Variants in UBE2Z observed in about 807,000 individuals in gnomAD.
The protein encoded by UBE2Z is ubiquitin conjugating enzyme E2 Z.
In UBE2Z, 10 loss-of-function variants were observed where a neutral mutation model predicts 32.6. That is an observed-to-expected ratio of 0.31 (90% CI 0.19 to 0.52). UBE2Z has a LOEUF of 0.52. UBE2Z is among the 20% of genes least tolerant of loss of function. The probability of loss-of-function intolerance (pLI) is 0.97; values close to 1 mark genes in which losing one functional copy is unlikely to be tolerated. For synonymous variants in UBE2Z, 183 were observed against 190.8 expected (o/e 0.96, Z 0.34); for missense variants, 343 against 480.9 (o/e 0.71, Z 2.68).
intron 4 of UBE2Z, among the ~76,000 whole-genome samples, chr17:48,917,578 G>A (rs2040729641): frequency 6.6e-6 from 1 of 152,022 alleles, no homozygotes; most frequent in African/African-American, 2.4e-5. Flanking sequence ...AGGAGTCCCG[G>A]GCAAGACTTT....
chr17:48,923,171 A>C lies in UBE2Z; in HGVS notation c.894+234A>C, dbSNP rs543194726. 5.0e-5 allele frequency: 17 copies of C among 338,458 alleles called. 1 individual carries two copies. Among genetic ancestry groups the C allele is most frequent in the East Asian group, 3.5e-4 (6 of 17,260 alleles). 21.0% of individuals were successfully genotyped at this position (338,458 alleles called of 1,614,324 possible). ...CCCGTCTCTACTAAAAATACAAAAA[A>C]TTAGCCGGGCATCGTGGCGTGTACC... is the stretch of plus-strand genomic sequence containing the variant. On this transcript the variant is annotated intron_variant, in intron 6 of 6. Coordinates refer to ENST00000360943, the MANE Select transcript of UBE2Z (RefSeq NM_023079.5).
intron 1 of UBE2Z, among the ~76,000 whole-genome samples, chr17:48,909,344 C>G (rs975178391): frequency 6.6e-6 from 1 of 151,972 alleles, no homozygotes; most frequent in Non-Finnish European, 1.5e-5. Context: ...CCGTTTTTCT[C>G]AGATTCCCTC....
At chr17:48,923,425 G>A (rs1241104541) in intron 6 of UBE2Z, among the ~76,000 whole-genome samples, 1 of 151,738 alleles carries the variant, frequency 6.6e-6, no homozygotes, top group Non-Finnish European at 1.5e-5. Context: ...GAGGTCGGGA[G>A]TGTGAGACCA....
intron 5 of UBE2Z, among the ~76,000 whole-genome samples, chr17:48,921,570 A>G (rs2040758816): frequency 6.6e-6 from 1 of 152,102 alleles, no homozygotes; most frequent in African/African-American, 2.4e-5. Context: ...TCATAATAAG[A>G]CTCATTTCTT....
intron 6 of UBE2Z, among the ~76,000 whole-genome samples, chr17:48,926,268 A>G (rs1264744844): frequency 1.3e-5 from 2 of 152,194 alleles, no homozygotes; most frequent in East Asian, 3.9e-4. Context: ...TACAGAGAAT[A>G]AAGAGCAACT....
intron 4 of UBE2Z, among the ~76,000 whole-genome samples, chr17:48,916,478 C>T (rs1429852482): frequency 1.3e-5 from 2 of 151,406 alleles, no homozygotes; most frequent in South Asian, 2.1e-4. Flanking sequence ...GTCTCCAGCT[C>T]CTGACCTGGT....
intron 4 of UBE2Z, among the ~76,000 whole-genome samples, chr17:48,917,856 ATT>A (rs1567778859): frequency 6.6e-6 from 1 of 152,216 alleles, no homozygotes; most frequent in Non-Finnish European, 1.5e-5. Flanking sequence ...GCCTTCCTGA[ATT>A]ACTCATGAGC....
intron 2 of UBE2Z, 103 bp from the exon 3 acceptor site, chr17:48,912,731 A>G: frequency 2.4e-6 from 3 of 1,248,320 alleles, no homozygotes; most frequent in Non-Finnish European, 3.4e-6. Context: ...TGTGTACCAG[A>G]TTATGGACTC....
intron 3 of UBE2Z, among the ~76,000 whole-genome samples, chr17:48,914,481 C>T (rs373669186): frequency 1.3e-5 from 2 of 152,300 alleles, no homozygotes; most frequent in South Asian, 2.1e-4. Context: ...TACTTCATCT[C>T]GTTAGGGTAC....
chr17:48,926,631 G>A (rs549067780), intron 6 of UBE2Z, among the ~76,000 whole-genome samples: 1 of 152,034 alleles, frequency 6.6e-6, no homozygotes, highest in Admixed American at 6.5e-5. Flanking sequence ...ACAGGCATGC[G>A]CCACGACACC....
rs150235589 is a variant in UBE2Z at position 48,920,237 on chromosome 17, G to A, written c.691-923G>A. ...AAGCCGGGTGCGGTGGCTCATGCCT[G>A]TAATCCCAGCGCTTTGGAAGGCTGA... On this transcript the variant is annotated intron_variant, in intron 4 of 6. Coordinates refer to ENST00000360943, the MANE Select transcript of UBE2Z (RefSeq NM_023079.5). 5.9e-3 allele frequency among the ~76,000 whole-genome samples: 894 copies of A among 152,226 alleles called. 8 individuals are homozygous for A. Among genetic ancestry groups the A allele is most frequent in the African/African-American group, 0.021 (858 of 41,540 alleles).
In UBE2Z at chr17:48,910,796, G is replaced by C; in HGVS notation, c.318-12G>C. On this transcript the variant is annotated splice_polypyrimidine_tract_variant and intron_variant, in intron 1 of 6. Transcript: ENST00000360943. Reference sequence around the variant, plus strand: ...CTCACTCCTTCCCCCACCTCCTCTTGGTGTTATACAGGGATATCATGTCCA... The same window carrying C: ...CTCACTCCTTCCCCCACCTCCTCTTCGTGTTATACAGGGATATCATGTCCA... 1 of 1,605,538 alleles carries C rather than the reference G, an allele frequency of 6.2e-7. No individual in the cohort carries two copies. Among genetic ancestry groups the C allele is most frequent in the South Asian group, 1.1e-5 (1 of 90,900 alleles).
chr17:48,919,396 A>G (rs1050734067), intron 4 of UBE2Z, among the ~76,000 whole-genome samples: 3 of 152,206 alleles, frequency 2.0e-5, no homozygotes, highest in African/African-American at 4.8e-5. Context: ...TTCTATTCAC[A>G]CCATAGTGAG....
At chr17:48,916,341 C>G (rs1364295812) in intron 4 of UBE2Z, among the ~76,000 whole-genome samples, 154 bp downstream of exon 4, 2 of 145,656 alleles carry the variant, frequency 1.4e-5, no homozygotes, top group African/African-American at 2.5e-5. Context: ...CTGCAACCTC[C>G]GCCTCCCGGG....
At chr17:48,913,691 G>A (rs1598072335) in intron 3 of UBE2Z, among the ~76,000 whole-genome samples, 1 of 152,226 alleles carries the variant, frequency 6.6e-6, no homozygotes, top group Admixed American at 6.5e-5. Flanking sequence ...GATGATTGTG[G>A]TGCATACTGC....
In UBE2Z at chr17:48,927,930, A is replaced by G. The variant is rs2143781681; in HGVS notation, c.*796A>G. 6.5e-6 allele frequency: 1 copy of G among 152,770 alleles called. No individual in the cohort carries two copies. The highest frequency in any genetic ancestry group is 2.1e-4 in the South Asian group (1 of 4,828). The allele number at this position is 152,770 out of a possible 1,614,324, so 9.5% of individuals were successfully genotyped here. A position where few individuals can be genotyped will look rare whatever the true frequency, so the allele number is the denominator to read the frequency against. On this transcript the variant is annotated 3_prime_UTR_variant, in exon 7 of 7. Transcript: ENST00000360943. ...TGTTCCCGCAATCACTGATTTGAAA[A>G]GTTCCCAACACAGGCAGCTGCTGTG...
intron 1 of UBE2Z, among the ~76,000 whole-genome samples, chr17:48,910,027 C>G (rs2040664718): frequency 6.6e-6 from 1 of 152,116 alleles, no homozygotes. Flanking sequence ...TGAGTTTGGC[C>G]AATGCTTTCC....
At position 48,926,474 on chromosome 17, in the gene UBE2Z, CTTTTT is replaced by C. The variant is rs35895407; in HGVS notation, c.895-476_895-472del. On this transcript the variant is annotated intron_variant, in intron 6 of 6. Transcript: ENST00000360943. Reference sequence around the variant, plus strand: ...CACCTATTTGGGGCGGTAAGAGTGTCTTTTTTTTTTTTTTTTTTGAGACCAAGTTT... The same window carrying C: ...CACCTATTTGGGGCGGTAAGAGTGTCTTTTTTTTTTTTTGAGACCAAGTTT... Among the ~76,000 whole-genome samples the C allele has an allele frequency of 5.1e-3, 695 of 137,148 alleles. 6 individuals carry two copies. The highest frequency in any genetic ancestry group is 0.015 in the African/African-American group (546 of 35,708). 90.0% of individuals were successfully genotyped at this position (137,148 alleles called of 152,430 possible). A position where few individuals can be genotyped will look rare whatever the true frequency, so the allele number is the denominator to read the frequency against.
chr17:48,913,147 A>G, intron 3 of UBE2Z, 126 bp downstream of exon 3: 3 of 944,456 alleles, frequency 3.2e-6, no homozygotes, highest in South Asian at 3.3e-5. Context: ...ACTCTTCTCA[A>G]ATCTCCTCAG....
Sources: allele counts gnomAD v4.1 joint callset (sites outside exome capture counted in the v4.1 genomes callset), GRCh38; gene constraint gnomAD v4.1.1; transcripts MANE v1.5; gene names NCBI Gene and HGNC (gene_info 2026-07-23, HGNC 2026-07-21).